Variants in DIPK2B observed in about 807,000 individuals in gnomAD.
DIPK2B encodes UPF0672 protein CXorf36.
In DIPK2B, 15 loss-of-function variants were observed where a neutral mutation model predicts 22.2. The ratio of observed to expected loss-of-function variants is 0.68; its 90% CI spans 0.45 to 1.04. The LOEUF is 1.04. Ranked by LOEUF, DIPK2B falls within the 50% of genes least tolerant of loss-of-function variation. The pLI, the probability that DIPK2B is intolerant of heterozygous loss-of-function variation, is 0.00. For missense variants in DIPK2B, 345 were observed against 348.3 expected (o/e 0.99, Z 0.08); for synonymous variants, 163 against 153.2 (o/e 1.06, Z -0.47).
At position 45,169,408 on chromosome X, in the gene DIPK2B, C is replaced by T. The variant is rs140439269; in HGVS notation, c.499-11520G>A. Among the ~76,000 whole-genome samples the T allele has an allele frequency of 5.9e-3, 658 of 112,283 alleles. 5 individuals are homozygous for T. The highest frequency in any genetic ancestry group is 0.02 in the African/African-American group (621 of 30,931). On this transcript the variant is annotated intron_variant, in intron 2 of 4. Transcript: ENST00000398000. ...ATTTTTGACTTCCTTATCTTATTGGCTGATCTCTTGGATCTTTGGTCCCCC... is the reference window on the plus strand; with the variant it reads ...ATTTTTGACTTCCTTATCTTATTGGTTGATCTCTTGGATCTTTGGTCCCCC...
At position 45,165,809 on chromosome X, in the gene DIPK2B, G is replaced by A. The variant is rs769928189; in HGVS notation, c.499-7921C>T. 2.7e-4 allele frequency among the ~76,000 whole-genome samples: 30 copies of A among 112,066 alleles called. 1 individual carries two copies. In the South Asian group the frequency reaches 8.2e-3, roughly 31 times the overall value. On this transcript the variant is annotated intron_variant, in intron 2 of 4. Transcript: ENST00000398000. ...CTCTTTGGAATTTCGGCACAAACTC[G>A]GTTTACAAGCCTCACAGAACACGCA...
rs757048129 is a variant in DIPK2B at position 45,154,116 on chromosome X, G to T, written c.755C>A (p.Pro252Gln). 8.3e-7 allele frequency: 1 copy of T among 1,208,488 alleles called. No homozygotes were observed. The highest frequency in any genetic ancestry group is 2.2e-5 in the Admixed American group (1 of 45,532). The stretch of plus-strand genomic sequence containing the variant: ...GGGTGCATCATAGAATTCCTGCAGC[G>T]GTCTGGTGCTGGTGCTGACGAGGAA... ...GRFLVSTSTR[P>Q]LQEFYDAPPD... The change falls in exon 4 of 5, where the codon CCG becomes CAG. Residue 252 changes from proline (P) to glutamine (Q), a missense_variant. Pro to Gln is a moderately conservative substitution (Grantham distance 76). Transcript: ENST00000398000.
chrX:45,157,761 C>A lies in DIPK2B; in HGVS notation c.626G>T (p.Arg209Leu), dbSNP rs746307645. ...MDHFTDRDKL[R>L]LLYTLAVNSH... is the part of the protein sequence containing the mutation. ...GTTGACAGCCAGCGTGTAGAGCAGG[C>A]GCAGCTTGTCACGGTCGGTGAAGTG... Residue 209 changes from arginine to leucine, a missense_variant, in exon 3 of 5, where the codon CGC becomes CTC. Physicochemically the swap from Arg to Leu is moderately radical, Grantham distance 102 (BLOSUM62 -2). Coordinates refer to ENST00000398000, the MANE Select transcript of DIPK2B (RefSeq NM_176819.4). The A allele has an allele frequency of 1.7e-6, 2 of 1,193,872 alleles. No individual in the cohort carries two copies. Among genetic ancestry groups the A allele is most frequent in the Non-Finnish European group, 2.3e-6 (2 of 888,051 alleles).
intron 2 of DIPK2B, chrX:45,163,348 G>A (rs2047031647): frequency 5.9e-6 from 4 of 681,425 alleles, no homozygotes; most frequent in African/African-American, 2.4e-5. Flanking sequence ...ATCTCCTACT[G>A]GTTCTGTTTC....
intron 2 of DIPK2B, among the ~76,000 whole-genome samples, chrX:45,187,302 A>G (rs1266304013): frequency 8.9e-6 from 1 of 112,264 alleles, no homozygotes; most frequent in Non-Finnish European, 1.9e-5. Flanking sequence ...GGTTTTGTGA[A>G]CAAGCACCTT....
intron 2 of DIPK2B, chrX:45,183,340 TC>T (rs983526101): frequency 8.9e-6 from 1 of 112,105 alleles, no homozygotes; most frequent in African/African-American, 3.2e-5. Flanking sequence ...CCTTCATTGT[TC>T]TGAGTGAGTT....
intron 3 of DIPK2B, among the ~76,000 whole-genome samples, chrX:45,157,506 C>CAGCTCTGGGCTCCCAGCTCTGG (rs1217256949): frequency 8.9e-6 from 1 of 111,852 alleles, no homozygotes; most frequent in African/African-American, 3.3e-5. Flanking sequence ...ATCCCCATCC[C>CAGCTCTGGGCTCCCAGCTCTGG]GCTCCCAGCT....
intron 1 of DIPK2B, among the ~76,000 whole-genome samples, chrX:45,195,207 C>T (rs1158627172): frequency 8.9e-6 from 1 of 112,150 alleles, no homozygotes; most frequent in Admixed American, 9.4e-5. Flanking sequence ...ATGTTACTAT[C>T]CTGGAATTTG....
chrX:45,151,986 T>G lies in DIPK2B; in HGVS notation c.968A>C (p.Gln323Pro). ...VGVIDKQEGSQEANRAGENKD... is the reference protein window; with the variant it reads ...VGVIDKQEGSPEANRAGENKD... ...ATTCTCTCCTGCCCTGTTGGCTTCT[T>G]GGCTGCCTAGAAAAGAAATGGGAAG... The change falls in exon 5 of 5, where the codon CAA (glutamine) becomes CCA (proline). Residue 323 changes from glutamine (Q) to proline (P), a missense_variant. By Grantham distance (76) the Gln-to-Pro change is moderately conservative. Transcript: ENST00000398000. The G allele has an allele frequency of 8.6e-7, 1 of 1,167,115 alleles. No individual in the cohort carries two copies. Among genetic ancestry groups the G allele is most frequent in the Non-Finnish European group, 1.1e-6 (1 of 872,058 alleles).
chrX:45,153,474 T>TTTTG (rs1556394303), intron 4 of DIPK2B, among the ~76,000 whole-genome samples: 1 of 73,853 alleles, frequency 1.4e-5, no homozygotes, highest in Non-Finnish European at 2.6e-5. Context: ...CCCAAAAGTT[T>TTTTG]TGTGTGTGTG....
chrX:45,171,010 C>T lies in DIPK2B; in HGVS notation c.499-13122G>A, dbSNP rs915797808. On this transcript the variant is annotated intron_variant, in intron 2 of 4. Transcript: ENST00000398000. ...CATAGGGGTGGAGCCAGGATTTGAA[C>T]CCAGGTCTGCTTGAGTCCCAGCCCA... is the stretch of plus-strand genomic sequence containing the variant. Among the ~76,000 whole-genome samples the T allele has an allele frequency of 4.5e-5, 5 of 111,407 alleles. No individual in the cohort carries two copies. The Admixed American group carries it at 4.8e-4, about 11-fold the overall frequency.
intron 2 of DIPK2B, among the ~76,000 whole-genome samples, chrX:45,164,974 A>G (rs1158501940): frequency 9.0e-6 from 1 of 111,082 alleles, no homozygotes; most frequent in Non-Finnish European, 1.9e-5. Flanking sequence ...ATCAGGAGAA[A>G]GATGGGGGGA....
chrX:45,191,789 A>G lies in DIPK2B; in HGVS notation c.460T>C (p.Trp154Arg), dbSNP rs1400036592. ...GGCGTGAGGCGCTTGGCCTGCAGCC[A>G]TTTCTGGAACCTCTCTGTTTTCCGC... ...VLRKTERFQK[W>R]LQAKRLTPDL... The change falls in exon 2 of 5, where the codon TGG becomes CGG. Residue 154 changes from tryptophan (W) to arginine (R), a missense_variant. Transcript: ENST00000398000. 2 of 1,210,166 alleles carry G rather than the reference A, an allele frequency of 1.7e-6. No individual in the cohort carries two copies. Among genetic ancestry groups the G allele is most frequent in the Non-Finnish European group, 2.2e-6 (2 of 895,289 alleles).
intron 2 of DIPK2B, among the ~76,000 whole-genome samples, chrX:45,158,456 CT>C (rs1441987648): frequency 9.0e-6 from 1 of 111,657 alleles, no homozygotes; most frequent in African/African-American, 3.3e-5. Flanking sequence ...TCGATTCCTT[CT>C]GCCATCTGAC....
chrX:45,159,333 C>T (rs182213607), intron 2 of DIPK2B, among the ~76,000 whole-genome samples: 1 of 111,930 alleles, frequency 8.9e-6, no homozygotes, highest in Non-Finnish European at 1.9e-5. Flanking sequence ...CTTTCATTTA[C>T]TTCACAAGAA....
intron 2 of DIPK2B, among the ~76,000 whole-genome samples, chrX:45,167,233 A>G (rs1360507100): frequency 2.7e-5 from 3 of 111,556 alleles, no homozygotes; most frequent in Non-Finnish European, 5.7e-5. Context: ...GCTCATGCCT[A>G]TATTCCCAGC....
chrX:45,191,896 C>T lies in DIPK2B; in HGVS notation c.353G>A (p.Ser118Asn), dbSNP rs1456292199. ...WRPVEIFRLV[S>N]KYQNEISDRR... is the part of the protein sequence containing the mutation. ...GTCTGAGATCTCGTTTTGATATTTG[C>T]TGACCAGTCTAAAGATCTCCACAGG... is the stretch of plus-strand genomic sequence containing the variant. Residue 118 changes from serine to asparagine, a missense_variant, in exon 2 of 5, where the codon AGC becomes AAC. Coordinates refer to ENST00000398000, the MANE Select transcript of DIPK2B (RefSeq NM_176819.4). 1 of 1,210,434 alleles carries T rather than the reference C, an allele frequency of 8.3e-7. No homozygotes were observed. The highest frequency in any genetic ancestry group is 1.1e-6 in the Non-Finnish European group (1 of 895,310).
intron 3 of DIPK2B, among the ~76,000 whole-genome samples, chrX:45,156,125 C>T (rs2148333772): frequency 9.3e-6 from 1 of 108,081 alleles, no homozygotes; most frequent in Non-Finnish European, 1.9e-5. Context: ...TCCCACTGTG[C>T]CTGGCTATTT....
At chrX:45,175,703 ATATG>A (rs2047114125) in intron 2 of DIPK2B, among the ~76,000 whole-genome samples, 2 of 101,342 alleles carry the variant, frequency 2.0e-5, no homozygotes, top group African/African-American at 7.2e-5. Flanking sequence ...ATACATACAT[ATATG>A]TGTGTATATG....
Sources: gnomAD v4.1 joint callset for allele counts (sites outside exome capture counted in the v4.1 genomes callset) on GRCh38, gnomAD v4.1.1 for gene constraint, MANE v1.5 for transcripts, NCBI Gene and HGNC (gene_info 2026-07-23, HGNC 2026-07-21) for gene names.